Variants in EDARADD observed in about 807,000 individuals in gnomAD.
EDARADD encodes EDAR associated via death domain.
EDARADD carries 20 observed loss-of-function variants against 25.6 expected under a neutral mutation model. That is an observed-to-expected ratio of 0.78 (90% CI 0.55 to 1.14). The LOEUF is 1.14. EDARADD is among the 50% of genes most tolerant of loss of function. The pLI, the probability that EDARADD is intolerant of heterozygous loss-of-function variation, is 0.00. For missense variants in EDARADD, 225 were observed against 270.1 expected (o/e 0.83, Z 1.17); for synonymous variants, 86 against 94.4 (o/e 0.91, Z 0.52).
intron 3 of EDARADD, among the ~76,000 whole-genome samples, chr1:236,351,980 G>C (rs624447): frequency 0.34 from 51,699 of 151,776 alleles, 9,049 homozygotes; most frequent in African/African-American, 0.41. Context: ...CATGGCGCTG[G>C]GGGGTGTGTG....
chr1:236,349,277 TTC>T (rs75473329), intron 2 of EDARADD, among the ~76,000 whole-genome samples: 52,482 of 151,604 alleles, frequency 0.35, 9,331 homozygotes, highest in African/African-American at 0.43. Context: ...TTCAAAGCGA[TTC>T]TCTCCTGCCT....
intron 3 of EDARADD, among the ~76,000 whole-genome samples, chr1:236,424,237 C>G (rs1029195219): frequency 3.6e-5 from 5 of 138,112 alleles, no homozygotes; most frequent in Admixed American, 8.3e-5. Flanking sequence ...TCATGGGTCA[C>G]TGCAGCCTTG....
At chr1:236,411,017 T>C (rs773804750) in intron 2 of EDARADD, among the ~76,000 whole-genome samples, 4 of 152,174 alleles carry the variant, frequency 2.6e-5, no homozygotes, top group Non-Finnish European at 5.9e-5. Flanking sequence ...TAAAGTGTTA[T>C]TCAGTTTGCC....
chr1:236,364,221 A>C (rs569635722), intron 3 of EDARADD, among the ~76,000 whole-genome samples: 1 of 152,340 alleles, frequency 6.6e-6, no homozygotes, highest in Admixed American at 6.5e-5. Context: ...AACAGTTTTC[A>C]TTTTATAGCA....
intron 5 of EDARADD, among the ~76,000 whole-genome samples, chr1:236,476,024 C>G (rs1360678388): frequency 6.6e-6 from 1 of 151,952 alleles, no homozygotes; most frequent in Non-Finnish European, 1.5e-5. Context: ...AAGCCTGTCT[C>G]TATTAAAAAA....
chr1:236,375,535 A>G (rs1667215403), intron 3 of EDARADD, among the ~76,000 whole-genome samples: 2 of 151,924 alleles, frequency 1.3e-5, no homozygotes, highest in Admixed American at 6.6e-5. Context: ...TCATGCCTGT[A>G]ATACCAGCTA....
At chr1:236,465,789 C>A (rs924514697) in intron 4 of EDARADD, among the ~76,000 whole-genome samples, 10 of 152,078 alleles carry the variant, frequency 6.6e-5, no homozygotes, top group African/African-American at 2.4e-4. Context: ...GACTATGAAA[C>A]CCACAAAAAT....
chr1:236,466,877 G>A (rs1320561212), intron 4 of EDARADD, among the ~76,000 whole-genome samples: 1 of 152,126 alleles, frequency 6.6e-6, no homozygotes, highest in Non-Finnish European at 1.5e-5. Flanking sequence ...GACCATCCCG[G>A]CCAACATGGT....
intron 5 of EDARADD, among the ~76,000 whole-genome samples, chr1:236,472,512 A>C (rs1659385536): frequency 6.6e-6 from 1 of 151,978 alleles, no homozygotes; most frequent in Admixed American, 6.6e-5. Context: ...AAGGTTGAGA[A>C]CCACTGCTTT....
intron 4 of EDARADD, among the ~76,000 whole-genome samples, chr1:236,456,335 G>A (rs905386315): frequency 6.6e-6 from 1 of 152,208 alleles, no homozygotes; most frequent in African/African-American, 2.4e-5. Flanking sequence ...CCTCTAGTAA[G>A]GGGATGGAGG....
chr1:236,384,882 G>C (rs1309366168), intron 3 of EDARADD, among the ~76,000 whole-genome samples: 1 of 151,520 alleles, frequency 6.6e-6, no homozygotes, highest in Non-Finnish European at 1.5e-5. Context: ...CACTTATATT[G>C]AATTATTTTT....
chr1:236,482,479 C>T lies in EDARADD; in HGVS notation c.478C>T (p.Pro160Ser). The change falls in exon 6 of 6, where the codon CCA becomes TCA. Residue 160 changes from proline (P) to serine (S), a missense_variant. By Grantham distance (74) the Pro-to-Ser change is moderately conservative. Transcript: ENST00000334232. ...YDELCFLEQR[P>S]QSPTLEFLLR... ...CGAATTGTGCTTCCTGGAGCAGAGG[C>T]CACAGAGCCCCACCTTGGAGTTCTT... 1.2e-6 allele frequency: 2 copies of T among 1,613,754 alleles called. No homozygotes were observed. The highest frequency in any genetic ancestry group is 2.2e-5 in the South Asian group (2 of 90,990).
chr1:236,439,924 C>T (rs1342076095), intron 4 of EDARADD, among the ~76,000 whole-genome samples: 1 of 152,056 alleles, frequency 6.6e-6, no homozygotes, highest in Non-Finnish European at 1.5e-5. Flanking sequence ...CATTGTCATG[C>T]CCAAGGTTAA....
At chr1:236,404,258 G>T (rs865825180) in intron 1 of EDARADD, among the ~76,000 whole-genome samples, 1 of 152,136 alleles carries the variant, frequency 6.6e-6, no homozygotes, top group East Asian at 1.9e-4. Context: ...TAATAGTATC[G>T]TAAACATGCA....
chr1:236,458,007 C>A (rs1275262279), intron 4 of EDARADD, among the ~76,000 whole-genome samples: 1 of 152,228 alleles, frequency 6.6e-6, no homozygotes, highest in Non-Finnish European at 1.5e-5. Flanking sequence ...GCTCTGCTGG[C>A]TGCAATGCCT....
chr1:236,372,009 T>C (rs1202325089), intron 3 of EDARADD, among the ~76,000 whole-genome samples: 2 of 152,178 alleles, frequency 1.3e-5, no homozygotes, highest in African/African-American at 4.8e-5. Context: ...CAGGCTTTAG[T>C]GCAGTGGTGC....
At chr1:236,426,461 T>C (rs1259434449) in intron 3 of EDARADD, among the ~76,000 whole-genome samples, 2 of 152,140 alleles carry the variant, frequency 1.3e-5, no homozygotes, top group African/African-American at 4.8e-5. Flanking sequence ...ACACAGATGT[T>C]GTACTTGAGA....
intron 3 of EDARADD, among the ~76,000 whole-genome samples, chr1:236,380,187 G>A (rs548647581): frequency 7.9e-5 from 12 of 152,188 alleles, no homozygotes; most frequent in African/African-American, 2.4e-4. Context: ...GACTATTTGC[G>A]TCTTGAAAAG....
intron 3 of EDARADD, among the ~76,000 whole-genome samples, chr1:236,415,510 A>G (rs1426023894): frequency 6.6e-6 from 1 of 152,098 alleles, no homozygotes; most frequent in East Asian, 1.9e-4. Flanking sequence ...CAATGGCTCA[A>G]TCTTGGCTCA....
Sources: allele counts gnomAD v4.1 joint callset (sites outside exome capture counted in the v4.1 genomes callset), GRCh38; gene constraint gnomAD v4.1.1; transcripts MANE v1.5; gene names NCBI Gene and HGNC (gene_info 2026-07-23, HGNC 2026-07-21).